Variants in FAM20B observed in about 807,000 individuals in gnomAD.
FAM20B encodes FAM20B glycosaminoglycan xylosylkinase.
FAM20B carries 23 observed loss-of-function variants against 43.8 expected under a neutral mutation model. That is an observed-to-expected ratio of 0.53 (90% CI 0.38 to 0.74). The LOEUF is 0.74. Ranked by LOEUF, FAM20B falls within the 30% of genes least tolerant of loss-of-function variation. The probability of loss-of-function intolerance (pLI) is 0.00; values close to 1 mark genes in which losing one functional copy is unlikely to be tolerated. For missense variants in FAM20B, 440 were observed against 510.5 expected, an observed-to-expected ratio of 0.86 and a Z score of 1.33; for synonymous variants, 178 against 192.4, an observed-to-expected ratio of 0.93 and a Z score of 0.62.
upstream of FAM20B, among the ~76,000 whole-genome samples, chr1:179,025,591 G>C (rs1005198505): frequency 2.0e-5 from 3 of 152,174 alleles, no homozygotes; most frequent in African/African-American, 7.2e-5. Flanking sequence ...AAGAGAAGAC[G>C]GGGTGGGGGA....
chr1:179,051,383 A>C (rs944375206), intron 3 of FAM20B, among the ~76,000 whole-genome samples: 2 of 151,446 alleles, frequency 1.3e-5, no homozygotes, highest in Non-Finnish European at 2.9e-5. Context: ...CCAACACTTT[A>C]GGAGGCTGAG....
intron 7 of FAM20B, 92 bp from the exon 8 acceptor site, chr1:179,071,821 T>C: frequency 1.2e-6 from 1 of 848,680 alleles, no homozygotes; most frequent in Non-Finnish European, 1.9e-6. Context: ...TTTTACCTAA[T>C]TATTTTTTCA....
At position 179,074,114 on chromosome 1, in the gene FAM20B, A is replaced by G. The variant is rs1158058694; in HGVS notation, c.*1970A>G. ...GAAAGATAACTGAGTAATAACCTGT[A>G]ACTATTTTTAAATGGCATGAAATTA... On this transcript the variant is annotated 3_prime_UTR_variant, in exon 8 of 8. Coordinates refer to ENST00000263733, the MANE Select transcript of FAM20B (RefSeq NM_014864.4). 6.5e-6 allele frequency: 1 copy of G among 152,682 alleles called. No homozygotes were observed. The highest frequency in any genetic ancestry group is 2.4e-5 in the African/African-American group (1 of 41,470). The allele number at this position is 152,682 out of a possible 1,614,324, so 9.5% of individuals were successfully genotyped here.
the FAM20B span, among the ~76,000 whole-genome samples, chr1:179,019,922 T>A: frequency 5.3e-5 from 8 of 152,200 alleles, no homozygotes; most frequent in Middle Eastern, 3.2e-3. Flanking sequence ...CCATGCCTCC[T>A]TATTTCACCC....
In FAM20B at chr1:179,072,005, C is replaced by T. The variant is rs144871480; in HGVS notation, c.1091C>T (p.Ser364Phe). The T allele has an allele frequency of 2.7e-5, 44 of 1,614,102 alleles. No individual in the cohort carries two copies. The African/African-American group carries it at 5.6e-4, about 21-fold the overall frequency. Residue 364 changes from serine to phenylalanine, a missense_variant, in exon 8 of 8, where the codon TCC becomes TTC. Coordinates refer to ENST00000263733, the MANE Select transcript of FAM20B (RefSeq NM_014864.4). ...LKSAMAHDPI[S>F]PVLSDPHLDA... is the part of the protein sequence containing the mutation. ...TCTGCCATGGCCCATGACCCCATCT[C>T]CCCAGTGCTCTCTGATCCTCATCTG... is the stretch of plus-strand genomic sequence containing the variant.
intron 7 of FAM20B, among the ~76,000 whole-genome samples, chr1:179,071,278 A>T (rs2102529863): frequency 6.6e-6 from 1 of 152,232 alleles, no homozygotes; most frequent in Admixed American, 6.5e-5. Flanking sequence ...CCTGGGCGAC[A>T]GAGCAAGACT....
At chr1:179,066,936 TG>T in intron 7 of FAM20B, 77 bp downstream of exon 7, 1 of 1,092,602 alleles carries the variant, frequency 9.2e-7, no homozygotes, top group South Asian at 1.3e-5. Flanking sequence ...TCCATTTTCT[TG>T]GCCCTCAAAC....
rs148596783 is a variant in FAM20B at position 179,071,358 on chromosome 1, T to G, written c.999-555T>G. The stretch of plus-strand genomic sequence containing the variant: ...AATTATTTTAGACTTCAGAAACACA[T>G]GAGGAAGAAGGAAGTTTATAGTACC... On this transcript the variant is annotated intron_variant, in intron 7 of 7. Transcript: ENST00000263733. 6.2e-3 allele frequency among the ~76,000 whole-genome samples: 949 copies of G among 152,234 alleles called. 5 individuals carry two copies. The highest frequency in any genetic ancestry group is 0.01 in the Non-Finnish European group (683 of 68,012).
chr1:179,017,648 C>A, the FAM20B span, among the ~76,000 whole-genome samples: 1 of 152,112 alleles, frequency 6.6e-6, no homozygotes, highest in South Asian at 2.1e-4. Flanking sequence ...CATTTTATAA[C>A]CTGTGATGCT....
At chr1:179,046,705 A>T (rs1024663493) in intron 2 of FAM20B, among the ~76,000 whole-genome samples, 1 of 149,944 alleles carries the variant, frequency 6.7e-6, no homozygotes, top group Non-Finnish European at 1.5e-5. Context: ...TTTTGTGTTT[A>T]AATAAGAGGA....
At chr1:179,026,674 G>C (rs1370691233) in intron 1 of FAM20B, among the ~76,000 whole-genome samples, 4 of 152,242 alleles carry the variant, frequency 2.6e-5, no homozygotes, top group African/African-American at 7.2e-5. Flanking sequence ...TGCGCCGGGC[G>C]CTCGCAGAAG....
chr1:179,062,335 T>G (rs1175200648), intron 4 of FAM20B, among the ~76,000 whole-genome samples: 3 of 152,116 alleles, frequency 2.0e-5, no homozygotes, highest in Admixed American at 2.0e-4. Flanking sequence ...TCTGTATCTT[T>G]TTCTGAATCT....
intron 1 of FAM20B, among the ~76,000 whole-genome samples, chr1:179,032,030 C>T (rs1336751431): frequency 6.6e-6 from 1 of 152,134 alleles, no homozygotes; most frequent in Non-Finnish European, 1.5e-5. Flanking sequence ...TATCTATTTG[C>T]CTAGTCTTAT....
At chr1:179,040,904 G>A (rs1650480587) in intron 1 of FAM20B, among the ~76,000 whole-genome samples, 1 of 151,174 alleles carries the variant, frequency 6.6e-6, no homozygotes, top group Non-Finnish European at 1.5e-5. Context: ...CAGACGGGGC[G>A]GCCGGGCAGA....
chr1:179,043,911 G>C lies in FAM20B; in HGVS notation c.64G>C (p.Val22Leu), dbSNP rs768467670. The change falls in exon 2 of 8, where the codon GTT (valine) becomes CTT (leucine). Residue 22 changes from valine to leucine, a missense_variant. Physicochemically the swap from Val to Leu is conservative, Grantham distance 32 (BLOSUM62 1). Coordinates refer to ENST00000263733, the MANE Select transcript of FAM20B (RefSeq NM_014864.4). ...CCTTGTCATTTTTATCTTCACCAAA[G>C]TTTTCCTGATTGACAACTTAGATAC... ...ILLVIFIFTKVFLIDNLDTSA... is the reference protein window; with the variant it reads ...ILLVIFIFTKLFLIDNLDTSA... 70 of 1,611,328 alleles carry C rather than the reference G, an allele frequency of 4.3e-5. No individual in the cohort carries two copies. The highest frequency in any genetic ancestry group is 5.3e-5 in the Non-Finnish European group (62 of 1,177,698).
chr1:179,068,906 G>A (rs767410565), intron 7 of FAM20B, among the ~76,000 whole-genome samples: 1 of 152,182 alleles, frequency 6.6e-6, no homozygotes, highest in Non-Finnish European at 1.5e-5. Flanking sequence ...TTGCTAGTTT[G>A]CAGGTGCTGA....
At chr1:179,048,316 C>G (rs956183844) in intron 2 of FAM20B, among the ~76,000 whole-genome samples, 1 of 152,206 alleles carries the variant, frequency 6.6e-6, no homozygotes, top group Middle Eastern at 3.2e-3. Flanking sequence ...CCATATTTCA[C>G]ATAACCAAAA....
At chr1:179,059,710 G>A (rs1370143858) in intron 4 of FAM20B, among the ~76,000 whole-genome samples, 1 of 152,108 alleles carries the variant, frequency 6.6e-6, no homozygotes, top group Non-Finnish European at 1.5e-5. Flanking sequence ...GGTGGCTGAC[G>A]CCTGTAACCC....
intron 4 of FAM20B, among the ~76,000 whole-genome samples, chr1:179,055,393 C>A (rs1000290524): frequency 8.5e-5 from 13 of 152,112 alleles, no homozygotes; most frequent in African/African-American, 3.1e-4. Context: ...ATGAACTTCA[C>A]CTTGCTTTTT....
Sources: gnomAD v4.1 joint callset for allele counts (sites outside exome capture counted in the v4.1 genomes callset) on GRCh38, gnomAD v4.1.1 for gene constraint, MANE v1.5 for transcripts, NCBI Gene and HGNC (gene_info 2026-07-23, HGNC 2026-07-21) for gene names.